The following PFKM variants were observed in gnomAD, a reference collection of about 807,000 sequenced individuals.
PFKM encodes the protein phosphofructokinase, muscle.
Under a neutral mutation model 95.5 loss-of-function variants are expected in PFKM, and 58 were observed. The ratio of observed to expected loss-of-function variants is 0.61; its 90% CI spans 0.49 to 0.76. The LOEUF is 0.76. Ranked by LOEUF, PFKM falls within the 30% of genes least tolerant of loss-of-function variation. PFKM has a pLI of 0.00. For missense variants in PFKM, 678 were observed against 1,005.4 expected (o/e 0.67, Z 4.40); for synonymous variants, 336 against 357.2 (o/e 0.94, Z 0.67).
upstream of PFKM, among the ~76,000 whole-genome samples, chr12:48,116,139 T>C (rs1947655680): frequency 7.0e-6 from 1 of 142,222 alleles, no homozygotes; most frequent in Admixed American, 6.9e-5. Flanking sequence ...CCTTCCTTCC[T>C]TCCTCTCTCT....
intron 4 of PFKM, chr12:48,132,229 C>T (rs537264409): frequency 2.8e-6 from 1 of 357,812 alleles, no homozygotes; most frequent in South Asian, 2.1e-5. Flanking sequence ...TACTTTCTCT[C>T]AGGGATAGAA....
In PFKM at chr12:48,139,865, T is replaced by A. The variant is rs750350793; in HGVS notation, c.1144T>A (p.Trp382Arg). Residue 382 changes from tryptophan to arginine, a missense_variant, in exon 13 of 23, where the codon TGG becomes AGG. By Grantham distance (101) the Trp-to-Arg change is moderately radical (BLOSUM62 -3). Transcript: ENST00000359794. ...TTCCTACAGGAGCTTCATGAACAAC[T>A]GGGAGGTGTACAAGCTTCTAGCTCA... Reference protein sequence around the residue: ...KLRGRSFMNNWEVYKLLAHVR... With the variant: ...KLRGRSFMNNREVYKLLAHVR... 6 of 1,612,034 alleles carry A rather than the reference T, an allele frequency of 3.7e-6. No individual in the cohort carries two copies. The highest frequency in any genetic ancestry group is 5.1e-6 in the Non-Finnish European group (6 of 1,178,080).
In PFKM at chr12:48,122,981, T is replaced by A. The variant is rs1052050302; in HGVS notation, c.85+122T>A. ...GGGAATTTTGGGCTTTGCTAAAAATTTCTGTGAGGCCTAAGTCCTCAAGTG... is the reference window on the plus strand; with the variant it reads ...GGGAATTTTGGGCTTTGCTAAAAATATCTGTGAGGCCTAAGTCCTCAAGTG... On this transcript the variant is annotated intron_variant, in intron 2 of 22. Transcript: ENST00000359794. 2.8e-4 allele frequency: 251 copies of A among 880,920 alleles called. 1 individual carries two copies. The South Asian group carries it at 3.4e-3, about 12-fold the overall frequency. 54.6% of individuals were successfully genotyped at this position (880,920 alleles called of 1,614,324 possible).
At chr12:48,131,692 G>T in intron 4 of PFKM, 1 of 427,744 alleles carries the variant, frequency 2.3e-6, no homozygotes, top group East Asian at 5.1e-5. Flanking sequence ...CACAGGGAAG[G>T]TCTGGCCCTG....
At chr12:48,130,313 C>A (rs1245658379) in intron 2 of PFKM, 50 bp from the exon 3 acceptor site, 6 of 1,290,278 alleles carry the variant, frequency 4.7e-6, no homozygotes, top group African/African-American at 1.5e-5. Flanking sequence ...TTCCAGGGCG[C>A]CTTTTCTTAG....
chr12:48,106,307 A>G, intron 1 of PFKM: 2 of 590,550 alleles, frequency 3.4e-6, no homozygotes, highest in South Asian at 4.0e-5. Context: ...CGTACTCGGA[A>G]TACTGTTAGT....
At chr12:48,112,586 A>C (rs1030860767) in intron 3 of PFKM, among the ~76,000 whole-genome samples, 2 of 152,164 alleles carry the variant, frequency 1.3e-5, no homozygotes, top group African/African-American at 4.8e-5. Flanking sequence ...GGTGCAAAGG[A>C]ATAGTAAAGA....
At chr12:48,123,975 C>T (rs915542488) in intron 2 of PFKM, among the ~76,000 whole-genome samples, 1 of 152,098 alleles carries the variant, frequency 6.6e-6, no homozygotes, top group Admixed American at 6.5e-5. Context: ...CAGTAGCAGG[C>T]ACATCGTAAA....
chr12:48,134,908 T>G (rs1351316961), intron 8 of PFKM, 35 bp from the exon 9 acceptor site: 2 of 1,599,918 alleles, frequency 1.3e-6, no homozygotes, highest in African/African-American at 1.3e-5. Flanking sequence ...ATCAGCTTCA[T>G]TCCATGGACC....
intron 5 of PFKM, 97 bp from the exon 6 acceptor site, chr12:48,133,218 A>G (rs1949699350): frequency 2.3e-6 from 3 of 1,325,370 alleles, no homozygotes; most frequent in Non-Finnish European, 2.2e-6. Flanking sequence ...ATTGTCTACA[A>G]TTCCTTTTGG....
At chr12:48,120,737 C>G (rs1192857452) in intron 1 of PFKM, among the ~76,000 whole-genome samples, 2 of 152,162 alleles carry the variant, frequency 1.3e-5, no homozygotes, top group East Asian at 3.8e-4. Flanking sequence ...ATATAAAAAC[C>G]TTTCACAGCT....
intron 3 of PFKM, among the ~76,000 whole-genome samples, chr12:48,109,514 T>C (rs1317112253): frequency 6.6e-6 from 1 of 152,198 alleles, no homozygotes; most frequent in Non-Finnish European, 1.5e-5. Context: ...GTACAGATTA[T>C]TTCTTATTTG....
intron 1 of PFKM, chr12:48,106,671 CT>C (rs1376004784): frequency 6.3e-6 from 1 of 158,616 alleles, no homozygotes; most frequent in Non-Finnish European, 1.4e-5. Flanking sequence ...ATCCTGTACT[CT>C]GCACCACCTC....
chr12:48,105,775 G>T, upstream of PFKM: 1 of 568,702 alleles, frequency 1.8e-6, no homozygotes, highest in Non-Finnish European at 3.2e-6. Context: ...GTCTCTCCGC[G>T]GCCCAGGAGA....
intron 11 of PFKM, among the ~76,000 whole-genome samples, chr12:48,138,339 T>C (rs1177253271): frequency 6.6e-6 from 1 of 152,228 alleles, no homozygotes; most frequent in Non-Finnish European, 1.5e-5. Context: ...ATACAGTACC[T>C]AGCAAATGTT....
intron 1 of PFKM, among the ~76,000 whole-genome samples, chr12:48,120,129 A>G (rs1480889185): frequency 6.6e-6 from 1 of 152,142 alleles, no homozygotes; most frequent in African/African-American, 2.4e-5. Flanking sequence ...TATTTGCCCT[A>G]GTCACTTAAT....
chr12:48,121,514 G>A (rs1265962876), intron 1 of PFKM, among the ~76,000 whole-genome samples: 1 of 152,148 alleles, frequency 6.6e-6, no homozygotes, highest in Non-Finnish European at 1.5e-5. Flanking sequence ...TATTTGTGTG[G>A]ATTTGGGTGT....
At chr12:48,105,916 G>T, upstream of PFKM, 2 of 657,500 alleles carry the variant, frequency 3.0e-6, no homozygotes, top group South Asian at 3.3e-5. Context: ...GCCCCACAGT[G>T]CTCCCCGCTT....
At chr12:48,140,602 A>T in intron 13 of PFKM, 120 bp from the exon 14 acceptor site, 1 of 992,674 alleles carries the variant, frequency 1.0e-6, no homozygotes, top group Non-Finnish European at 1.6e-6. Flanking sequence ...GTGTTGTCTT[A>T]GGCAGATATC....
Sources: allele counts gnomAD v4.1 joint callset (sites outside exome capture counted in the v4.1 genomes callset), GRCh38; gene constraint gnomAD v4.1.1; transcripts MANE v1.5; gene names NCBI Gene and HGNC (gene_info 2026-07-23, HGNC 2026-07-21).